The following CNTN5 variants were observed in gnomAD, a reference collection of about 807,000 sequenced individuals.
CNTN5 encodes the protein contactin-5.
In CNTN5, 77 loss-of-function variants were observed where a neutral mutation model predicts 129.1. The ratio of observed to expected loss-of-function variants is 0.60; its 90% CI spans 0.50 to 0.72. CNTN5 has a LOEUF of 0.72. Among genes scored for constraint, CNTN5 ranks in the 30% least tolerant of loss-of-function variants. CNTN5 has a pLI of 0.00. For synonymous variants in CNTN5, 509 were observed against 465.6 expected, an observed-to-expected ratio of 1.09 and a Z score of -1.20; for missense variants, 1,478 against 1,328.8, an observed-to-expected ratio of 1.11 and a Z score of -1.75.
rs191640486 is a variant in CNTN5 at position 99,580,481 on chromosome 11, T to G, written c.55+24212T>G. On this transcript the variant is annotated intron_variant, in intron 3 of 24. Transcript: ENST00000524871. ...GTCCTGGACTTTTTTTGGTTGGTAATCTATTAATTATTGCCTCAATTTCAG... is the reference window on the plus strand; with the variant it reads ...GTCCTGGACTTTTTTTGGTTGGTAAGCTATTAATTATTGCCTCAATTTCAG... Among the ~76,000 whole-genome samples, 14 of 152,122 alleles carry G rather than the reference T, an allele frequency of 9.2e-5. No homozygotes were observed. The East Asian group carries it at 2.5e-3, about 27-fold the overall frequency.
intron 7 of CNTN5, among the ~76,000 whole-genome samples, chr11:99,935,593 T>G (rs1950299100): frequency 6.6e-6 from 1 of 152,058 alleles, no homozygotes; most frequent in Admixed American, 6.6e-5. Context: ...TATATGTGTG[T>G]GTGTTGTGTA....
chr11:100,356,580 GC>G lies in CNTN5; in HGVS notation c.*362del, dbSNP rs1258895021. 2 of 196,952 alleles carry G rather than the reference GC, an allele frequency of 1.0e-5. No individual in the cohort carries two copies. Among genetic ancestry groups the G allele is most frequent in the African/African-American group, 4.7e-5 (2 of 42,690 alleles). 12.2% of individuals were successfully genotyped at this position (196,952 alleles called of 1,614,324 possible). ...GTGCCATCCATTTGTTAAGTAACTG[GC>G]CTTTAGCAGATCTGTTTCAAAAACA... On this transcript the variant is annotated 3_prime_UTR_variant, in exon 25 of 25. Coordinates refer to ENST00000524871, the MANE Select transcript of CNTN5 (RefSeq NM_014361.4).
intron 1 of CNTN5, among the ~76,000 whole-genome samples, chr11:99,100,721 T>C (rs146561131): frequency 6.6e-6 from 1 of 152,244 alleles, no homozygotes; most frequent in East Asian, 1.9e-4. Context: ...TAAACTACTA[T>C]AAAAATATAT....
At chr11:99,600,834 T>C (rs145025318) in intron 3 of CNTN5, among the ~76,000 whole-genome samples, 8 of 152,178 alleles carry the variant, frequency 5.3e-5, no homozygotes, top group African/African-American at 1.7e-4. Context: ...AATAAACACA[T>C]AGGATGACAT....
chr11:99,062,077 G>C (rs1279957544), intron 1 of CNTN5, among the ~76,000 whole-genome samples: 5 of 152,038 alleles, frequency 3.3e-5, no homozygotes, highest in African/African-American at 1.2e-4. Context: ...GGCTCAGTTG[G>C]AGAACTTAGG....
intron 3 of CNTN5, among the ~76,000 whole-genome samples, chr11:99,753,111 C>T (rs1197977863): frequency 1.5e-5 from 2 of 129,838 alleles, no homozygotes; most frequent in African/African-American, 5.7e-5. Flanking sequence ...CATTTTAAGC[C>T]ATATTTGCTT....
At chr11:99,973,017 G>C (rs1565741061) in intron 8 of CNTN5, among the ~76,000 whole-genome samples, 1 of 151,640 alleles carries the variant, frequency 6.6e-6, no homozygotes, top group Non-Finnish European at 1.5e-5. Context: ...TTTATATTTT[G>C]AAATCTCACT....
intron 3 of CNTN5, among the ~76,000 whole-genome samples, chr11:99,780,602 G>A (rs549982265): frequency 2.0e-4 from 30 of 152,114 alleles, no homozygotes; most frequent in African/African-American, 6.7e-4. Flanking sequence ...TTTATTACAA[G>A]GATTAGCTCT....
intron 6 of CNTN5, among the ~76,000 whole-genome samples, chr11:99,901,321 CACTT>C (rs1179731543): frequency 6.6e-6 from 1 of 151,704 alleles, no homozygotes; most frequent in Non-Finnish European, 1.5e-5. Context: ...AATGGAGTCT[CACTT>C]TGTTGGTCAG....
At chr11:99,918,785 C>T (rs1211961383) in intron 7 of CNTN5, among the ~76,000 whole-genome samples, 1 of 152,150 alleles carries the variant, frequency 6.6e-6, no homozygotes, top group African/African-American at 2.4e-5. Context: ...ACTTCCAAGG[C>T]CACACTAACT....
chr11:100,012,967 T>C (rs1940614500), intron 9 of CNTN5, among the ~76,000 whole-genome samples: 1 of 152,142 alleles, frequency 6.6e-6, no homozygotes, highest in Non-Finnish European at 1.5e-5. Flanking sequence ...AGCAACTATC[T>C]GGATGCTGAG....
At chr11:100,330,000 G>A (rs1406602874) in intron 21 of CNTN5, among the ~76,000 whole-genome samples, 1 of 152,108 alleles carries the variant, frequency 6.6e-6, no homozygotes, top group African/African-American at 2.4e-5. Flanking sequence ...GCCACAAAAA[G>A]AATTCAGAAG....
At chr11:99,437,534 G>A (rs1244622207) in intron 2 of CNTN5, among the ~76,000 whole-genome samples, 1 of 152,144 alleles carries the variant, frequency 6.6e-6, no homozygotes, top group Non-Finnish European at 1.5e-5. Context: ...TATATTAAAA[G>A]TGATTAATTT....
chr11:100,054,945 G>T (rs1013725773), intron 9 of CNTN5, among the ~76,000 whole-genome samples: 1 of 48,714 alleles, frequency 2.1e-5, no homozygotes, highest in Admixed American at 1.7e-4. Context: ...ATATCAAACT[G>T]CCCAACAAAA....
intron 2 of CNTN5, among the ~76,000 whole-genome samples, chr11:99,403,122 T>C (rs1197442032): frequency 1.1e-5 from 1 of 92,846 alleles, no homozygotes; most frequent in Non-Finnish European, 2.0e-5. Flanking sequence ...TTCTCCTGCC[T>C]TAGCCTCCCA....
intron 9 of CNTN5, among the ~76,000 whole-genome samples, chr11:100,031,345 G>T (rs1404501633): frequency 6.6e-6 from 1 of 152,204 alleles, no homozygotes; most frequent in African/African-American, 2.4e-5. Context: ...TCCCCCTGCA[G>T]AGAGCCTATG....
chr11:99,372,248 T>A (rs1939870129), intron 2 of CNTN5, among the ~76,000 whole-genome samples: 1 of 152,222 alleles, frequency 6.6e-6, no homozygotes, highest in African/African-American at 2.4e-5. Flanking sequence ...TACTATATTT[T>A]ACCCATTTAA....
chr11:99,259,628 A>G (rs1017284384), intron 1 of CNTN5, among the ~76,000 whole-genome samples: 3 of 151,692 alleles, frequency 2.0e-5, no homozygotes, highest in African/African-American at 7.3e-5. Context: ...TATTCTGAGG[A>G]CAAGAACTGT....
At chr11:99,118,789 A>G (rs1422025470) in intron 1 of CNTN5, among the ~76,000 whole-genome samples, 2 of 151,960 alleles carry the variant, frequency 1.3e-5, no homozygotes, top group Non-Finnish European at 2.9e-5. Context: ...AATCACTGGC[A>G]TGTAACCTAA....
Sources: gnomAD v4.1 joint callset for allele counts (sites outside exome capture counted in the v4.1 genomes callset) on GRCh38, gnomAD v4.1.1 for gene constraint, MANE v1.5 for transcripts, NCBI Gene and HGNC (gene_info 2026-07-23, HGNC 2026-07-21) for gene names.